Variants in WRNIP1 observed in about 807,000 individuals in gnomAD.
The protein encoded by WRNIP1 is WRN helicase interacting protein 1.
WRNIP1 carries 41 observed loss-of-function variants against 56.1 expected under a neutral mutation model. The observed-to-expected ratio is 0.73, with a 90% confidence interval of 0.57 to 0.95. The LOEUF (loss-of-function observed/expected upper bound fraction) is 0.95, where lower values mean the gene tolerates loss of function less well. WRNIP1 is among the 40% of genes least tolerant of loss of function. The probability of loss-of-function intolerance (pLI) is 0.00; values close to 1 mark genes in which losing one functional copy is unlikely to be tolerated. For missense variants in WRNIP1, 1,170 were observed against 939.4 expected (o/e 1.25, Z -3.21); for synonymous variants, 547 against 398.1 (o/e 1.37, Z -4.45).
At chr6:2,782,007 A>C (rs1419470026) in intron 4 of WRNIP1, among the ~76,000 whole-genome samples, 2 of 152,232 alleles carry the variant, frequency 1.3e-5, no homozygotes, top group Non-Finnish European at 2.9e-5. Flanking sequence ...GGCATTGACA[A>C]AGTGGGAAAA....
Position 2,785,115 on chromosome 6 carries a change from C to T in WRNIP1, c.1831C>T (p.Leu611=). Residue 611 remains leucine (L), a synonymous_variant, in exon 7 of 7, where the codon CTG becomes TTG. Transcript: ENST00000380773. ...CTGCCTGAGGAACCACCAGGGGCCA[C>T]TGCCCCCCGTGCCCCTGCACCTGAG... ...KACLRNHQGP[L]PPVPLHLRNA... 6.2e-7 allele frequency: 1 copy of T among 1,614,234 alleles called. No individual in the cohort carries two copies. The highest frequency in any genetic ancestry group is 1.1e-5 in the South Asian group (1 of 91,086).
rs566092635 is a variant in WRNIP1, at chr6:2,775,609, T to TCTCC, written c.1257-3652_1257-3651insCCCT. Among the ~76,000 whole-genome samples, 16 of 152,350 alleles carry TCTCC rather than the reference T, an allele frequency of 1.1e-4. No homozygotes were observed. The South Asian group carries it at 3.3e-3, about 32-fold the overall frequency. ...CTTCTCCAACTTACATATCCAGCTGTCTAAGTAGTATCCTCCAAATTCCAG... is the reference window on the plus strand; with the variant it reads ...CTTCTCCAACTTACATATCCAGCTGTCTCCCTAAGTAGTATCCTCCAAATTCCAG... On this transcript the variant is annotated intron_variant, in intron 3 of 6. Coordinates refer to ENST00000380773, the MANE Select transcript of WRNIP1 (RefSeq NM_020135.3).
chr6:2,767,618 G>A lies in WRNIP1; in HGVS notation c.823-1073G>A, dbSNP rs544722092. 2.0e-5 allele frequency among the ~76,000 whole-genome samples: 3 copies of A among 152,354 alleles called. No individual in the cohort carries two copies. In the South Asian group the frequency reaches 6.2e-4, roughly 32 times the overall value. On this transcript the variant is annotated intron_variant, in intron 1 of 6. Coordinates refer to ENST00000380773, the MANE Select transcript of WRNIP1 (RefSeq NM_020135.3). Reference sequence around the variant, plus strand: ...GTTGACGTCTGTCCCCATGGATTTAGTTGTTAACCCCATTTAAGGGATTGA... The same window carrying A: ...GTTGACGTCTGTCCCCATGGATTTAATTGTTAACCCCATTTAAGGGATTGA...
intron 4 of WRNIP1, among the ~76,000 whole-genome samples, chr6:2,782,704 G>A (rs1765591533): frequency 6.6e-6 from 1 of 152,120 alleles, no homozygotes; most frequent in Non-Finnish European, 1.5e-5. Context: ...TCATTTTTTT[G>A]CCCTTAAATA....
At chr6:2,782,088 T>C (rs1765574228) in intron 4 of WRNIP1, among the ~76,000 whole-genome samples, 2 of 152,350 alleles carry the variant, frequency 1.3e-5, no homozygotes, top group South Asian at 4.1e-4. Context: ...CCAGCCCCCA[T>C]GCCCGTGAGT....
At chr6:2,773,406 A>G in intron 3 of WRNIP1, 1 of 984,986 alleles carries the variant, frequency 1.0e-6, no homozygotes. Flanking sequence ...CCAGTATTTC[A>G]CCTCCTAGAT....
chr6:2,775,837 T>C (rs1765419355), intron 3 of WRNIP1, among the ~76,000 whole-genome samples: 1 of 152,236 alleles, frequency 6.6e-6, no homozygotes, highest in African/African-American at 2.4e-5. Context: ...TTTTCCCTTA[T>C]TATAAATAGT....
chr6:2,770,983 G>A (rs1765260042), intron 3 of WRNIP1, among the ~76,000 whole-genome samples: 1 of 152,286 alleles, frequency 6.6e-6, no homozygotes, highest in Admixed American at 6.5e-5. Flanking sequence ...ACATGAGCTC[G>A]TTAATGCACC....
intron 3 of WRNIP1, chr6:2,773,925 T>C: frequency 1.0e-6 from 1 of 985,260 alleles, no homozygotes; most frequent in South Asian, 4.7e-5. Flanking sequence ...GTAAGGGCTG[T>C]GGCGTAACTG....
Position 2,785,721 on chromosome 6 carries a change from G to A in WRNIP1, c.*439G>A, listed in dbSNP as rs1409964502. On this transcript the variant is annotated 3_prime_UTR_variant, in exon 7 of 7. Transcript: ENST00000380773. ...TTTTTTTTATATGCAAAGGTCTTACGAGCCAATAAAACTATTTCAAAGTAC... is the reference window on the plus strand; with the variant it reads ...TTTTTTTTATATGCAAAGGTCTTACAAGCCAATAAAACTATTTCAAAGTAC... 3 of 164,154 alleles carry A rather than the reference G, an allele frequency of 1.8e-5. No individual in the cohort carries two copies. The highest frequency in any genetic ancestry group is 7.2e-5 in the African/African-American group (3 of 41,504). 10.2% of individuals were successfully genotyped at this position (164,154 alleles called of 1,614,324 possible).
At chr6:2,781,217 C>T (rs547431071) in intron 4 of WRNIP1, among the ~76,000 whole-genome samples, 4 of 152,194 alleles carry the variant, frequency 2.6e-5, no homozygotes, top group Non-Finnish European at 5.9e-5. Flanking sequence ...CTCCACGTTG[C>T]AGAGCTCTGC....
intron 3 of WRNIP1, among the ~76,000 whole-genome samples, chr6:2,776,239 A>T (rs1765427611): frequency 6.6e-6 from 1 of 152,136 alleles, no homozygotes; most frequent in South Asian, 2.1e-4. Flanking sequence ...GGAGTTCAAG[A>T]TATATTGGGT....
At chr6:2,774,022 A>G in intron 3 of WRNIP1, 2 of 985,430 alleles carry the variant, frequency 2.0e-6, no homozygotes, top group Non-Finnish European at 1.2e-6. Flanking sequence ...TCTTCTTTTT[A>G]TAAAAGTTTA....
In WRNIP1 at chr6:2,784,987, GTCC is replaced by G; in HGVS notation, c.1723-17_1723-15del. ...GCTTGGCATCTTGCTAGTAAAATGT[GTCC>G]TCTGTGTCATTGGTAGGTGCTTCTG... On this transcript the variant is annotated splice_polypyrimidine_tract_variant and intron_variant, in intron 6 of 6. Coordinates refer to ENST00000380773, the MANE Select transcript of WRNIP1 (RefSeq NM_020135.3). The G allele has an allele frequency of 6.2e-7, 1 of 1,612,222 alleles. No individual in the cohort carries two copies. The highest frequency in any genetic ancestry group is 8.5e-7 in the Non-Finnish European group (1 of 1,178,798).
chr6:2,770,487 G>T (rs962962830), intron 3 of WRNIP1, 126 bp downstream of exon 3: 2 of 1,336,106 alleles, frequency 1.5e-6, no homozygotes, highest in Non-Finnish European at 2.0e-6. Flanking sequence ...TGATCCGCCC[G>T]TAATGAAAAT....
chr6:2,773,879 G>A, intron 3 of WRNIP1: 1 of 985,338 alleles, frequency 1.0e-6, no homozygotes. Context: ...AGTTCCGAGA[G>A]GTGGTTGGAA....
Position 2,785,318 on chromosome 6 carries a change from T to C in WRNIP1, c.*36T>C. The C allele has an allele frequency of 6.3e-7, 1 of 1,596,232 alleles. No individual in the cohort carries two copies. The highest frequency in any genetic ancestry group is 1.1e-5 in the South Asian group (1 of 90,036). ...CACGACAGCAGAAGGATGTTGCTTT[T>C]TTAAGGGAGGGCCAGAAAGAAAGTT... On this transcript the variant is annotated 3_prime_UTR_variant, in exon 7 of 7. Transcript: ENST00000380773.
intron 3 of WRNIP1, chr6:2,773,954 AATC>A (rs1392885135): frequency 8.1e-6 from 8 of 985,048 alleles, no homozygotes; most frequent in Admixed American, 6.2e-5. Flanking sequence ...GCTTTTCTCT[AATC>A]ATCTGGAGAG....
chr6:2,783,609 G>T, intron 5 of WRNIP1, 48 bp downstream of exon 5: 1 of 971,830 alleles, frequency 1.0e-6, no homozygotes. Context: ...TGAGGGTGGG[G>T]AAATGGCTAA....
Sources: gnomAD v4.1 joint callset for allele counts (sites outside exome capture counted in the v4.1 genomes callset) on GRCh38, gnomAD v4.1.1 for gene constraint, MANE v1.5 for transcripts, NCBI Gene and HGNC (gene_info 2026-07-23, HGNC 2026-07-21) for gene names.